Variants in PCSK5 observed in about 807,000 individuals in gnomAD.
The protein encoded by PCSK5 is prohormone convertase 5.
PCSK5 carries 129 observed loss-of-function variants against 233.2 expected under a neutral mutation model. The ratio of observed to expected loss-of-function variants is 0.55; its 90% confidence interval spans 0.48 to 0.64. PCSK5 has a LOEUF of 0.64. Among genes scored for constraint, PCSK5 ranks in the 30% least tolerant of loss-of-function variants. PCSK5 has a pLI of 0.00. For missense variants in PCSK5, 2,076 were observed against 2,430.1 expected (o/e 0.85, Z 3.06); for synonymous variants, 825 against 879.2 (o/e 0.94, Z 1.09).
intron 35 of PCSK5, among the ~76,000 whole-genome samples, chr9:76,343,952 A>C (rs1829907431): frequency 6.6e-6 from 1 of 152,226 alleles, no homozygotes; most frequent in Non-Finnish European, 1.5e-5. Context: ...GTTTAAAAAA[A>C]AAAAGTATAA....
intron 9 of PCSK5, among the ~76,000 whole-genome samples, chr9:76,111,275 G>A (rs1180831528): frequency 6.6e-6 from 1 of 152,142 alleles, no homozygotes; most frequent in African/African-American, 2.4e-5. Flanking sequence ...CTGCTCCCAA[G>A]ACTAGAAGAA....
chr9:75,991,553 G>A (rs1471824668), intron 3 of PCSK5, among the ~76,000 whole-genome samples: 2 of 152,160 alleles, frequency 1.3e-5, no homozygotes, highest in Non-Finnish European at 1.5e-5. Flanking sequence ...AAAGCTGGCA[G>A]CTTTAATATG....
intron 37 of PCSK5, 60 bp from the exon 38 acceptor site, chr9:76,358,453 C>G (rs1830357055): frequency 7.5e-7 from 1 of 1,326,066 alleles, no homozygotes; most frequent in East Asian, 2.3e-5. Flanking sequence ...CTAATTTTCT[C>G]TATTCTATTT....
rs115477470 is a variant in PCSK5 at position 76,248,456 on chromosome 9, C to A, written c.3142+7772C>A. On this transcript the variant is annotated intron_variant, in intron 24 of 37. Coordinates refer to ENST00000674117, the MANE Select transcript of PCSK5 (RefSeq NM_001372043.1). ...GGGGAATAGAATAAAAGGGAAAGCT[C>A]TTTTTTACAGAAACAGTTCAGCTGT... Among the ~76,000 whole-genome samples the A allele has an allele frequency of 5.5e-3, 833 of 152,090 alleles. 7 individuals carry two copies. Among genetic ancestry groups the A allele is most frequent in the African/African-American group, 0.019 (808 of 41,488 alleles).
At chr9:76,112,930 G>A (rs1360966178) in intron 9 of PCSK5, among the ~76,000 whole-genome samples, 2 of 152,050 alleles carry the variant, frequency 1.3e-5, no homozygotes, top group African/African-American at 2.4e-5. Context: ...TATCCTCCAC[G>A]ACACCTAAGC....
At chr9:76,302,340 G>A in intron 28 of PCSK5, 123 bp downstream of exon 28, 1 of 357,072 alleles carries the variant, frequency 2.8e-6, no homozygotes, top group Non-Finnish European at 5.4e-6. Flanking sequence ...GAGATGCAGA[G>A]GTCATTAGAA....
intron 1 of PCSK5, among the ~76,000 whole-genome samples, chr9:75,896,283 A>C (rs763610994): frequency 6.6e-6 from 1 of 152,180 alleles, no homozygotes; most frequent in Non-Finnish European, 1.5e-5. Flanking sequence ...GTATGTGGTC[A>C]TTGGGGATTT....
chr9:76,005,352 C>T (rs976115931), intron 3 of PCSK5, among the ~76,000 whole-genome samples: 2 of 151,958 alleles, frequency 1.3e-5, no homozygotes, highest in Middle Eastern at 3.2e-3. Flanking sequence ...TTAGAGCTCT[C>T]GCTCATCTTT....
chr9:75,963,236 A>G (rs369586363), intron 2 of PCSK5, among the ~76,000 whole-genome samples: 1 of 151,930 alleles, frequency 6.6e-6, no homozygotes, highest in East Asian at 1.9e-4. Context: ...CTAACATACC[A>G]CTCTGGGGAA....
At chr9:76,206,011 G>A (rs4745528) in intron 20 of PCSK5, among the ~76,000 whole-genome samples, 76,723 of 151,952 alleles carry the variant, frequency 0.5, 20,809 homozygotes, top group East Asian at 0.68. Flanking sequence ...CAGTCTTTCC[G>A]AAGGACTCTA....
chr9:76,181,357 G>C, intron 15 of PCSK5, 41 bp from the exon 16 acceptor site: 2 of 1,558,442 alleles, frequency 1.3e-6, no homozygotes, highest in Non-Finnish European at 1.8e-6. Flanking sequence ...GGACTGGTTT[G>C]CTCATGACGC....
At chr9:75,990,725 A>T (rs1413945586) in intron 3 of PCSK5, among the ~76,000 whole-genome samples, 1 of 152,224 alleles carries the variant, frequency 6.6e-6, no homozygotes, top group Admixed American at 6.5e-5. Context: ...TTTCTCTGGG[A>T]TCACGTGCAT....
At chr9:76,251,217 T>A (rs1826790546) in intron 24 of PCSK5, among the ~76,000 whole-genome samples, 1 of 152,078 alleles carries the variant, frequency 6.6e-6, no homozygotes, top group Non-Finnish European at 1.5e-5. Flanking sequence ...CAGTGAGCTA[T>A]GATCACGCCA....
intron 21 of PCSK5, among the ~76,000 whole-genome samples, chr9:76,231,689 G>C (rs1437236747): frequency 6.6e-6 from 1 of 152,148 alleles, no homozygotes; most frequent in Non-Finnish European, 1.5e-5. Context: ...TCAGTAACTG[G>C]TGCCAGGGTG....
At chr9:76,340,310 AT>A (rs1829792554) in intron 35 of PCSK5, among the ~76,000 whole-genome samples, 1 of 152,078 alleles carries the variant, frequency 6.6e-6, no homozygotes, top group Non-Finnish European at 1.5e-5. Context: ...TAGGTAACAA[AT>A]TCCTAATGTC....
At chr9:75,926,572 A>C (rs1265641754) in intron 1 of PCSK5, among the ~76,000 whole-genome samples, 1 of 152,180 alleles carries the variant, frequency 6.6e-6, no homozygotes, top group African/African-American at 2.4e-5. Flanking sequence ...CATTCTCAGC[A>C]TGGTTCTCCA....
intron 3 of PCSK5, among the ~76,000 whole-genome samples, chr9:76,000,119 T>A (rs887009988): frequency 2.0e-5 from 3 of 152,264 alleles, no homozygotes; most frequent in East Asian, 3.9e-4. Context: ...AAGGATGATA[T>A]GTCTCTTACA....
At chr9:75,964,642 A>G (rs548898500) in intron 2 of PCSK5, among the ~76,000 whole-genome samples, 4 of 152,312 alleles carry the variant, frequency 2.6e-5, no homozygotes, top group African/African-American at 9.6e-5. Context: ...GTGCATGTTG[A>G]TGTATGGGTG....
At chr9:76,337,166 T>C (rs1829700575) in intron 34 of PCSK5, among the ~76,000 whole-genome samples, 2 of 71,410 alleles carry the variant, frequency 2.8e-5, no homozygotes, top group Non-Finnish European at 3.8e-5. Flanking sequence ...ATTTATTTAT[T>C]TTATGTTATC....
Sources: gnomAD v4.1 joint callset for allele counts (sites outside exome capture counted in the v4.1 genomes callset) on GRCh38, gnomAD v4.1.1 for gene constraint, MANE v1.5 for transcripts, NCBI Gene and HGNC (gene_info 2026-07-23, HGNC 2026-07-21) for gene names.